The following FAM114A2 variants were observed in gnomAD, a reference collection of about 807,000 sequenced individuals.
FAM114A2 encodes protein FAM114A2.
FAM114A2 carries 53 observed loss-of-function variants against 58.4 expected under a neutral mutation model. The observed-to-expected ratio is 0.91, with a 90% CI of 0.73 to 1.14. FAM114A2 has a LOEUF of 1.14. FAM114A2 is among the 50% of genes most tolerant of loss of function. The pLI, the probability that FAM114A2 is intolerant of heterozygous loss-of-function variation, is 0.00. For synonymous variants in FAM114A2, 228 were observed against 211.4 expected, an observed-to-expected ratio of 1.08 and a Z score of -0.68; for missense variants, 601 against 581.1, an observed-to-expected ratio of 1.03 and a Z score of -0.35.
At chr5:154,004,523 C>G (rs1209307884) in intron 9 of FAM114A2, among the ~76,000 whole-genome samples, 1 of 152,162 alleles carries the variant, frequency 6.6e-6, no homozygotes, top group Non-Finnish European at 1.5e-5. Flanking sequence ...AGGCATCACA[C>G]ATACAACAAA....
intron 12 of FAM114A2, 28 bp downstream of exon 12, chr5:153,997,772 CATT>C (rs768349453): frequency 2.3e-6 from 3 of 1,279,632 alleles, no homozygotes; most frequent in Non-Finnish European, 2.3e-6. Flanking sequence ...ACCAGACAAA[CATT>C]ATTGCAGTAA....
intron 4 of FAM114A2, 86 bp from the exon 5 acceptor site, chr5:154,029,666 C>T: frequency 1.5e-6 from 1 of 686,088 alleles, no homozygotes; most frequent in East Asian, 2.8e-5. Flanking sequence ...TTTTTTAAAA[C>T]TAGACCCTGC....
intron 4 of FAM114A2, among the ~76,000 whole-genome samples, chr5:154,030,793 C>T (rs1408546144): frequency 6.6e-6 from 1 of 152,192 alleles, no homozygotes; most frequent in African/African-American, 2.4e-5. Context: ...CACTGGGAGG[C>T]TCCATAAGTC....
At chr5:154,037,852 C>T (rs1772691636) in intron 1 of FAM114A2, among the ~76,000 whole-genome samples, 1 of 152,118 alleles carries the variant, frequency 6.6e-6, no homozygotes, top group African/African-American at 2.4e-5. Context: ...CATGCCCTGC[C>T]AAAACAGTCC....
chr5:154,029,609 G>A (rs762177592), intron 4 of FAM114A2, 29 bp from the exon 5 acceptor site: 15 of 1,280,388 alleles, frequency 1.2e-5, no homozygotes, highest in African/African-American at 2.9e-5. Context: ...GTGTAAACAT[G>A]AAGGGAAGGT....
chr5:154,014,917 C>A (rs1770936161), intron 8 of FAM114A2, among the ~76,000 whole-genome samples: 1 of 152,168 alleles, frequency 6.6e-6, no homozygotes, highest in Admixed American at 6.5e-5. Context: ...AAGTTCTCAG[C>A]CCTGCTTGCC....
intron 9 of FAM114A2, among the ~76,000 whole-genome samples, chr5:154,007,137 C>G (rs1041073851): frequency 2.6e-5 from 4 of 152,110 alleles, no homozygotes; most frequent in Non-Finnish European, 5.9e-5. Context: ...AAAGTGACCT[C>G]TCTTGTAATA....
intron 8 of FAM114A2, among the ~76,000 whole-genome samples, chr5:154,018,292 A>C (rs1423942888): frequency 6.6e-6 from 1 of 152,224 alleles, no homozygotes; most frequent in East Asian, 1.9e-4. Flanking sequence ...CTGTATGCGC[A>C]TAAACTAGAA....
intron 1 of FAM114A2, among the ~76,000 whole-genome samples, chr5:154,037,834 T>C (rs1772689430): frequency 6.6e-6 from 1 of 152,168 alleles, no homozygotes; most frequent in Non-Finnish European, 1.5e-5. Flanking sequence ...ATTACAGGCG[T>C]GAGCCACCAT....
intron 11 of FAM114A2, among the ~76,000 whole-genome samples, chr5:153,999,828 C>T (rs1769850718): frequency 1.3e-5 from 2 of 152,124 alleles, no homozygotes; most frequent in Non-Finnish European, 2.9e-5. Context: ...GGGATACCTG[C>T]ACCTGCATGT....
chr5:154,025,242 T>C lies in FAM114A2; in HGVS notation c.913+1157A>G, dbSNP rs148241762. On this transcript the variant is annotated intron_variant, in intron 8 of 13. Coordinates refer to ENST00000351797, the MANE Select transcript of FAM114A2 (RefSeq NM_018691.4). ...ACTTAAAGGTAAAGATTTAATAAAA[T>C]TAATAATTTTTACTGCTTCATCAAG... is the stretch of plus-strand genomic sequence containing the variant. Among the ~76,000 whole-genome samples, 394 of 152,122 alleles carry C rather than the reference T, an allele frequency of 2.6e-3. 2 individuals carry two copies. The highest frequency in any genetic ancestry group is 9.3e-3 in the African/African-American group (386 of 41,534).
chr5:154,003,598 A>AT lies in FAM114A2; in HGVS notation c.994-630dup, dbSNP rs1407714467. On this transcript the variant is annotated intron_variant, in intron 9 of 13. Coordinates refer to ENST00000351797, the MANE Select transcript of FAM114A2 (RefSeq NM_018691.4). ...TACGAAACCGTGATCAAGATATAGA[A>AT]TATTTCCTCATCCCTAGAAGGTCCC... 2.6e-5 allele frequency among the ~76,000 whole-genome samples: 4 copies of AT among 152,280 alleles called. No homozygotes were observed. The East Asian group carries it at 5.8e-4, about 22-fold the overall frequency.
rs1771835767 is a variant in FAM114A2, at chr5:154,027,102, C to A, written c.789+74G>T. ...ACATACACTTCATCTTCCAAATGTA[C>A]AAAGAGAAAGGAAACCATGCAGCAT... On this transcript the variant is annotated intron_variant, in intron 7 of 13. Transcript: ENST00000351797. 1.4e-5 allele frequency: 18 copies of A among 1,255,252 alleles called. No individual in the cohort carries two copies. The Middle Eastern group carries it at 5.9e-4, about 41-fold the overall frequency. 77.8% of individuals were successfully genotyped at this position (1,255,252 alleles called of 1,614,324 possible).
chr5:154,033,985 T>C (rs1414046924), intron 3 of FAM114A2, 102 bp from the exon 4 acceptor site: 1 of 756,614 alleles, frequency 1.3e-6, no homozygotes, highest in Non-Finnish European at 2.2e-6. Flanking sequence ...CCACAAGACA[T>C]GTTATTTTGA....
At chr5:154,004,541 T>C (rs1770225024) in intron 9 of FAM114A2, among the ~76,000 whole-genome samples, 1 of 147,024 alleles carries the variant, frequency 6.8e-6, no homozygotes, top group South Asian at 2.2e-4. Flanking sequence ...AAATAAAAAC[T>C]TTGAACTCAT....
intron 11 of FAM114A2, among the ~76,000 whole-genome samples, chr5:154,001,541 G>C (rs1769972623): frequency 6.6e-6 from 1 of 152,186 alleles, no homozygotes; most frequent in African/African-American, 2.4e-5. Flanking sequence ...TAAAGAGGAA[G>C]TCTGCAGAAG....
chr5:154,010,689 T>A (rs1770632324), intron 9 of FAM114A2, among the ~76,000 whole-genome samples: 1 of 152,188 alleles, frequency 6.6e-6, no homozygotes. Context: ...CCCTACCCAC[T>A]CTGAGCTTTG....
chr5:153,996,991 T>TAAAAAAAAAAAAAAAAAA (rs57110256), intron 12 of FAM114A2, among the ~76,000 whole-genome samples: 4 of 121,292 alleles, frequency 3.3e-5, no homozygotes, highest in Non-Finnish European at 5.2e-5. Context: ...GAGCAAAACT[T>TAAAAAAAAAAAAAAAAAA]AAAAAAAAAA....
At position 153,994,937 on chromosome 5, in the gene FAM114A2, G is replaced by T; in HGVS notation, c.1365C>A (p.Ile455=). 6.2e-7 allele frequency: 1 copy of T among 1,606,802 alleles called. No homozygotes were observed. Among genetic ancestry groups the T allele is most frequent in the Non-Finnish European group, 8.5e-7 (1 of 1,173,668 alleles). The change falls in exon 13 of 14, where the codon ATC becomes ATA. Residue 455 remains isoleucine, a synonymous_variant. Coordinates refer to ENST00000351797, the MANE Select transcript of FAM114A2 (RefSeq NM_018691.4). ...TACTAACCTCTAGAAATACTGCAGT[G>T]ATTAATGGGTTAAGGACATCTGCCA... ...KEMADVLNPL[I]TAVFLEASNS... is the part of the protein sequence containing the mutation.
Sources: gnomAD v4.1 joint callset for allele counts (sites outside exome capture counted in the v4.1 genomes callset) on GRCh38, gnomAD v4.1.1 for gene constraint, MANE v1.5 for transcripts, NCBI Gene and HGNC (gene_info 2026-07-23, HGNC 2026-07-21) for gene names.